Variants in MAP4 observed in about 807,000 individuals in gnomAD.
MAP4 encodes microtubule associated protein 4.
Under a neutral mutation model 170.2 loss-of-function variants are expected in MAP4, and 76 were observed. The ratio of observed to expected loss-of-function variants is 0.45; its 90% CI spans 0.37 to 0.54. The LOEUF is 0.54. Ranked by LOEUF, MAP4 falls within the 20% of genes least tolerant of loss-of-function variation. The pLI is 0.00. For synonymous variants in MAP4, 909 were observed against 994.5 expected (o/e 0.91, Z 1.62); for missense variants, 2,506 against 2,748.0 (o/e 0.91, Z 1.97).
chr3:47,960,286 C>T (rs2100070812), intron 3 of MAP4: 2 of 222,488 alleles, frequency 9.0e-6, no homozygotes, highest in South Asian at 1.6e-4. Flanking sequence ...TCAGCAGATG[C>T]TTGTGATTCT....
chr3:47,969,640 G>A (rs947367832), intron 3 of MAP4, among the ~76,000 whole-genome samples: 1 of 152,164 alleles, frequency 6.6e-6, no homozygotes, highest in African/African-American at 2.4e-5. Context: ...ACAGCATCCA[G>A]CTGCACATAG....
chr3:48,084,720 C>A (rs1371487921), intron 1 of MAP4, among the ~76,000 whole-genome samples: 4 of 151,964 alleles, frequency 2.6e-5, no homozygotes, highest in Non-Finnish European at 5.9e-5. Context: ...GGACTATAGA[C>A]ACATGCCACC....
At position 47,998,670 on chromosome 3, in the gene MAP4, T is replaced by C. The variant is rs375593699; in HGVS notation, c.191A>G (p.Lys64Arg). ...CTGGCTAGTTTCTGAGCACGGTTTC[T>C]TCTTTGACTCTGAGTTCCCGGTTTT... ...DEKTGNSESK[K>R]KPCSETSQIE... is the part of the protein sequence containing the mutation. Residue 64 changes from lysine to arginine, a missense_variant, in exon 2 of 21, where the codon AAG (lysine) becomes AGG (arginine). By Grantham distance (26) the Lys-to-Arg change is conservative. Coordinates refer to ENST00000683076, the MANE Select transcript of MAP4 (RefSeq NM_001385682.1). 6 of 1,614,060 alleles carry C rather than the reference T, an allele frequency of 3.7e-6. No homozygotes were observed. The highest frequency in any genetic ancestry group is 5.1e-6 in the Non-Finnish European group (6 of 1,180,016).
rs147903223 is a variant in MAP4 at position 48,086,645 on chromosome 3, T to C, written c.-20+2128A>G. Among the ~76,000 whole-genome samples the C allele has an allele frequency of 2.1e-4, 32 of 152,170 alleles. No homozygotes were observed. The East Asian group carries it at 6.0e-3, about 28-fold the overall frequency. On this transcript the variant is annotated intron_variant, in intron 1 of 18. Coordinates refer to the MAP4 transcript ENST00000360240. ...AGCAAGACCCTGTCTCAAAAATAAA[T>C]AAATAAATAAAATTTAAATTTAAAA...
At chr3:47,921,362 A>G (rs2100042774) in intron 5 of MAP4, among the ~76,000 whole-genome samples, 1 of 152,192 alleles carries the variant, frequency 6.6e-6, no homozygotes, top group Non-Finnish European at 1.5e-5. Flanking sequence ...CTTTGGCATA[A>G]GGACTTTTTT....
intron 3 of MAP4, among the ~76,000 whole-genome samples, chr3:47,935,163 T>C (rs532595404): frequency 6.6e-6 from 1 of 152,336 alleles, no homozygotes; most frequent in Non-Finnish European, 1.5e-5. Context: ...ATGCAGTAAG[T>C]GCTACTTATA....
At chr3:47,884,900 G>T (rs2097315128) in intron 10 of MAP4, among the ~76,000 whole-genome samples, 1 of 152,140 alleles carries the variant, frequency 6.6e-6, no homozygotes, top group Admixed American at 6.5e-5. Flanking sequence ...CTGTTACCTG[G>T]TAGGGGACAG....
At chr3:47,877,123 C>T (rs1351234835) in intron 11 of MAP4, 13 of 260,242 alleles carry the variant, frequency 5.0e-5, no homozygotes, top group East Asian at 2.0e-4. Flanking sequence ...GTGATCCGCC[C>T]GCCTTGGCCT....
intron 10 of MAP4, among the ~76,000 whole-genome samples, chr3:47,888,964 T>C (rs1577115162): frequency 6.6e-6 from 1 of 152,200 alleles, no homozygotes; most frequent in East Asian, 1.9e-4. Context: ...TACTCACTCA[T>C]TGTCAGTATA....
Position 47,912,391 on chromosome 3 carries a change from G to T in MAP4, c.2030C>A (p.Thr677Lys), listed in dbSNP as rs2100036407. 6.6e-7 allele frequency: 1 copy of T among 1,516,444 alleles called. No homozygotes were observed. Among genetic ancestry groups the T allele is most frequent in the Non-Finnish European group, 8.8e-7 (1 of 1,134,236 alleles). 93.9% of individuals were successfully genotyped at this position (1,516,444 alleles called of 1,614,324 possible). ...ANFMYCGTPP[T>K]QAKQVCRPSD... Reference sequence around the variant, plus strand: ...GGGTCTGCAAACTTGTTTGGCTTGTGTGGGAGGGGTACCGCAATACATGAA... The same window carrying T: ...GGGTCTGCAAACTTGTTTGGCTTGTTTGGGAGGGGTACCGCAATACATGAA... Residue 677 changes from threonine (T) to lysine (K), a missense_variant, in exon 9 of 21, where the codon ACA becomes AAA. Transcript: ENST00000683076.
At chr3:47,979,821 G>A (rs375832569) in intron 2 of MAP4, among the ~76,000 whole-genome samples, 2 of 151,666 alleles carry the variant, frequency 1.3e-5, no homozygotes, top group Non-Finnish European at 2.9e-5. Flanking sequence ...AAATGTTTTT[G>A]TTTGTTTTGT....
chr3:47,985,615 GGAACTT>G (rs2100088202), intron 2 of MAP4, among the ~76,000 whole-genome samples: 1 of 152,112 alleles, frequency 6.6e-6, no homozygotes, highest in South Asian at 2.1e-4. Context: ...CCAAAAATGT[GGAACTT>G]GAATCTAATT....
chr3:48,088,431 G>C (rs1193557875), intron 1 of MAP4, among the ~76,000 whole-genome samples: 1 of 151,962 alleles, frequency 6.6e-6, no homozygotes, highest in Non-Finnish European at 1.5e-5. Context: ...CAGGGCCCCA[G>C]ACTGCGGCCG....
intron 3 of MAP4, among the ~76,000 whole-genome samples, chr3:47,941,627 CA>C (rs796623845): frequency 9.6e-4 from 122 of 126,784 alleles, no homozygotes; most frequent in Middle Eastern, 3.9e-3. Flanking sequence ...AAAACAAAAA[CA>C]AAAAAAAAAA....
chr3:47,985,095 C>T (rs538479550), intron 2 of MAP4, among the ~76,000 whole-genome samples: 7 of 151,774 alleles, frequency 4.6e-5, no homozygotes, highest in South Asian at 2.1e-4. Flanking sequence ...GCCTGGCCAA[C>T]GTGGTGAAAC....
chr3:47,951,619 C>T (rs893520804), intron 3 of MAP4, among the ~76,000 whole-genome samples: 5 of 152,190 alleles, frequency 3.3e-5, no homozygotes, highest in Non-Finnish European at 5.9e-5. Context: ...CCCGAGGTGC[C>T]GGGATTGCAG....
At chr3:47,979,313 C>G (rs998939431) in intron 2 of MAP4, among the ~76,000 whole-genome samples, 4 of 151,990 alleles carry the variant, frequency 2.6e-5, no homozygotes, top group Non-Finnish European at 5.9e-5. Flanking sequence ...AAAAAGTCAT[C>G]TGCATTCTAT....
rs1293448882 is a variant in MAP4, at chr3:47,977,885, A to G, written c.272T>C (p.Val91Ala). 1 of 1,612,676 alleles carries G rather than the reference A, an allele frequency of 6.2e-7. No individual in the cohort carries two copies. Among genetic ancestry groups the G allele is most frequent in the Admixed American group, 1.7e-5 (1 of 60,014 alleles). ...PTLLANGGHG[V>A]EGSDTTGSPT... ...CTTACCTGTAGTATCGCTCCCTTCT[A>G]CTCCATGACCACCATTGGCTAGGAG... The change falls in exon 3 of 21, where the codon GTA (valine) becomes GCA (alanine). Residue 91 changes from valine to alanine, a missense_variant. By Grantham distance (64) the Val-to-Ala change is moderately conservative. Around this residue, in one of 3 missense-constraint regions of MAP4, gnomAD observed 2,008 missense variants for 2,206.0 expected, o/e 0.91. Coordinates refer to ENST00000683076, the MANE Select transcript of MAP4 (RefSeq NM_001385682.1).
chr3:48,048,078 T>G (rs2100125515), intron 1 of MAP4, among the ~76,000 whole-genome samples: 1 of 152,114 alleles, frequency 6.6e-6, no homozygotes, highest in South Asian at 2.1e-4. Flanking sequence ...GAACAGCCAC[T>G]GTACTGGGCA....
Sources: allele counts gnomAD v4.1 joint callset (sites outside exome capture counted in the v4.1 genomes callset), GRCh38; gene constraint gnomAD v4.1.1; regional missense constraint gnomAD v4.1.1; transcripts MANE v1.5; gene names NCBI Gene and HGNC (gene_info 2026-07-23, HGNC 2026-07-21).